Variants in FBXL7 observed in about 807,000 individuals in gnomAD.
FBXL7 encodes the protein F-box and leucine rich repeat protein 7.
FBXL7 carries 12 observed loss-of-function variants against 38.3 expected under a neutral mutation model. The observed-to-expected ratio is 0.31, with a 90% CI of 0.20 to 0.51. The LOEUF (loss-of-function observed/expected upper bound fraction) is 0.51. Ranked by LOEUF, FBXL7 falls within the 20% of genes least tolerant of loss-of-function variation. The pLI, the probability that FBXL7 is intolerant of heterozygous loss-of-function variation, is 0.98. For synonymous variants in FBXL7, 297 were observed against 300.9 expected, an observed-to-expected ratio of 0.99 and a Z score of 0.13; for missense variants, 567 against 676.4, an observed-to-expected ratio of 0.84 and a Z score of 1.79.
At chr5:15,556,698 C>T (rs1413526891) in intron 1 of FBXL7, among the ~76,000 whole-genome samples, 1 of 149,408 alleles carries the variant, frequency 6.7e-6, no homozygotes, top group Non-Finnish European at 1.5e-5. Context: ...TTAGACTCCT[C>T]TTCATCTTCT....
chr5:15,881,368 A>G (rs982619476), intron 2 of FBXL7, among the ~76,000 whole-genome samples: 3 of 152,052 alleles, frequency 2.0e-5, no homozygotes, highest in Non-Finnish European at 2.9e-5. Context: ...TGTTTCTTTT[A>G]TGGCTGAATA....
chr5:15,595,840 C>T lies in FBXL7; in HGVS notation c.38-20143C>T, dbSNP rs185899536. Among the ~76,000 whole-genome samples, 736 of 152,224 alleles carry T rather than the reference C, an allele frequency of 4.8e-3. 6 individuals carry two copies. The highest frequency in any genetic ancestry group is 0.01 in the Middle Eastern group (3 of 294). On this transcript the variant is annotated intron_variant, in intron 1 of 3. Coordinates refer to ENST00000504595, the MANE Select transcript of FBXL7 (RefSeq NM_012304.5). ...GGTGTGGTGGTGAGGTCTCTGATGCCTGGAGCTTTTTCTTACAAGCTCTGG... is the reference window on the plus strand; with the variant it reads ...GGTGTGGTGGTGAGGTCTCTGATGCTTGGAGCTTTTTCTTACAAGCTCTGG...
intron 2 of FBXL7, among the ~76,000 whole-genome samples, chr5:15,618,614 A>G (rs1180587462): frequency 6.6e-6 from 1 of 152,170 alleles, no homozygotes; most frequent in African/African-American, 2.4e-5. Flanking sequence ...GAGACCATTC[A>G]GGATAAGTGA....
intron 2 of FBXL7, among the ~76,000 whole-genome samples, chr5:15,673,238 C>T (rs1208024133): frequency 1.3e-5 from 2 of 151,896 alleles, no homozygotes; most frequent in Non-Finnish European, 2.9e-5. Flanking sequence ...ATTGCTTGAA[C>T]CTGGGAGCCA....
intron 1 of FBXL7, among the ~76,000 whole-genome samples, chr5:15,534,232 C>G (rs1274082261): frequency 6.6e-6 from 1 of 152,170 alleles, no homozygotes; most frequent in East Asian, 1.9e-4. Context: ...GATATACATT[C>G]TATGGGTCTT....
intron 2 of FBXL7, among the ~76,000 whole-genome samples, chr5:15,774,855 T>C (rs1413463874): frequency 6.6e-6 from 1 of 152,154 alleles, no homozygotes; most frequent in East Asian, 1.9e-4. Context: ...GATACTAAGG[T>C]TGTTTCTCTT....
rs147927788 is a variant in FBXL7 at position 15,939,782 on chromosome 5, A to G, written c.*2596A>G. The G allele has an allele frequency of 2.6e-5, 4 of 152,738 alleles. No homozygotes were observed. The East Asian group carries it at 7.7e-4, about 29-fold the overall frequency. The allele number at this position is 152,738 out of a possible 1,614,324, so 9.5% of individuals were successfully genotyped here. ...TAATTTACTACCAAGAAATAAAGCA[A>G]TATGTTCGTAATCAGCCTCAGCTTC... On this transcript the variant is annotated 3_prime_UTR_variant, in exon 4 of 4. Transcript: ENST00000504595.
chr5:15,901,425 C>G (rs893418079), intron 2 of FBXL7, among the ~76,000 whole-genome samples: 9 of 152,176 alleles, frequency 5.9e-5, no homozygotes, highest in African/African-American at 2.2e-4. Context: ...ACCCCACTTG[C>G]AAATATCAGC....
intron 2 of FBXL7, among the ~76,000 whole-genome samples, chr5:15,714,592 C>T (rs1002079770): frequency 2.0e-5 from 3 of 151,932 alleles, no homozygotes; most frequent in South Asian, 2.1e-4. Flanking sequence ...CAGTGGCTCA[C>T]GCCTATAATC....
intron 2 of FBXL7, among the ~76,000 whole-genome samples, chr5:15,768,743 C>T (rs1736656811): frequency 6.6e-6 from 1 of 152,124 alleles, no homozygotes; most frequent in Non-Finnish European, 1.5e-5. Flanking sequence ...TAGTGCTGGT[C>T]CAGCCAGGGC....
At chr5:15,657,859 A>G (rs575165784) in intron 2 of FBXL7, among the ~76,000 whole-genome samples, 2 of 151,078 alleles carry the variant, frequency 1.3e-5, no homozygotes, top group African/African-American at 2.4e-5. Context: ...AAAAAAATGT[A>G]ATGGACATTT....
intron 2 of FBXL7, among the ~76,000 whole-genome samples, chr5:15,724,089 C>A (rs1221497482): frequency 6.6e-6 from 1 of 152,042 alleles, no homozygotes; most frequent in Non-Finnish European, 1.5e-5. Flanking sequence ...ACCCAAATAC[C>A]TCTTGAAAGT....
intron 2 of FBXL7, among the ~76,000 whole-genome samples, chr5:15,857,228 G>A (rs1244310113): frequency 6.6e-6 from 1 of 152,124 alleles, no homozygotes; most frequent in Admixed American, 6.6e-5. Context: ...AGAAAGTACT[G>A]GGGTCAAGCC....
At chr5:15,814,161 C>T (rs373267115) in intron 2 of FBXL7, among the ~76,000 whole-genome samples, 7 of 151,972 alleles carry the variant, frequency 4.6e-5, no homozygotes, top group South Asian at 2.1e-4. Flanking sequence ...ACAATAGCAA[C>T]GACTTGGAAC....
At chr5:15,604,934 A>G (rs1263701634) in intron 1 of FBXL7, among the ~76,000 whole-genome samples, 2 of 152,154 alleles carry the variant, frequency 1.3e-5, no homozygotes, top group Non-Finnish European at 2.9e-5. Context: ...GCTTTGCAGC[A>G]GGTGTGTGCA....
intron 2 of FBXL7, among the ~76,000 whole-genome samples, chr5:15,821,793 G>C (rs1738176133): frequency 6.6e-6 from 1 of 152,196 alleles, no homozygotes; most frequent in Non-Finnish European, 1.5e-5. Context: ...AAAGGAGAAA[G>C]CAGCAGGGAC....
chr5:15,747,559 T>G (rs561595068), intron 2 of FBXL7, among the ~76,000 whole-genome samples: 96 of 152,346 alleles, frequency 6.3e-4, no homozygotes, highest in African/African-American at 2.2e-3. Flanking sequence ...TTTTCAGCAG[T>G]AGCTATTATT....
At chr5:15,505,301 T>C (rs1009457544) in intron 1 of FBXL7, among the ~76,000 whole-genome samples, 2 of 152,182 alleles carry the variant, frequency 1.3e-5, no homozygotes, top group Admixed American at 6.5e-5. Flanking sequence ...TGAGGAAACA[T>C]AGGACCAGAG....
chr5:15,725,355 A>C (rs1423782499), intron 2 of FBXL7, among the ~76,000 whole-genome samples: 1 of 151,990 alleles, frequency 6.6e-6, no homozygotes, highest in Non-Finnish European at 1.5e-5. Flanking sequence ...ATTCATCTCT[A>C]AGCATTTTCT....
Sources: allele counts gnomAD v4.1 joint callset (sites outside exome capture counted in the v4.1 genomes callset), GRCh38; gene constraint gnomAD v4.1.1; transcripts MANE v1.5; gene names NCBI Gene and HGNC (gene_info 2026-07-23, HGNC 2026-07-21).